The following UNKL variants were observed in gnomAD, a reference collection of about 807,000 sequenced individuals.
The protein encoded by UNKL is putative E3 ubiquitin-protein ligase UNKL.
In UNKL, 60 loss-of-function variants were observed where a neutral mutation model predicts 78.0. The observed-to-expected ratio is 0.77, with a 90% CI of 0.63 to 0.95. UNKL has a LOEUF of 0.95. Among genes scored for constraint, UNKL ranks in the 40% least tolerant of loss-of-function variants. The pLI, the probability that UNKL is intolerant of heterozygous loss-of-function variation, is 0.00. For synonymous variants in UNKL, 608 were observed against 474.8 expected (o/e 1.28, Z -3.65); for missense variants, 1,159 against 1,045.7 (o/e 1.11, Z -1.49).
chr16:1,368,608 C>CAAAAAAAAAAA (rs757374554), intron 12 of UNKL, among the ~76,000 whole-genome samples: 1 of 42,144 alleles, frequency 2.4e-5, no homozygotes, highest in African/African-American at 9.2e-5. Flanking sequence ...GACTCCGTCT[C>CAAAAAAAAAAA]AAAAAAAAAA....
rs775830454 is a variant in UNKL, at chr16:1,403,332, C to G, written c.300G>C (p.Leu100=). 5.0e-6 allele frequency: 8 copies of G among 1,614,076 alleles called. No homozygotes were observed. The East Asian group carries it at 1.1e-4, about 22-fold the overall frequency. ...GTTCTGTGTCCCCCGTCGTCCGGTG[C>G]AGGTAGGGACACCTGGGGAGCAGAG... ...VCPDGDECPY[L]HRTTGDTERK... is the part of the protein sequence containing the mutation. Residue 100 remains leucine, a synonymous_variant, in exon 3 of 15, where the codon CTG becomes CTC. Coordinates refer to ENST00000389221, the MANE Select transcript of UNKL (RefSeq NM_001372107.1). The surrounding 1 kb of genome is among the most constrained non-coding windows in gnomAD (Gnocchi z 4.8).
At chr16:1,410,746 G>C (rs779740353) in intron 2 of UNKL, among the ~76,000 whole-genome samples, 4 of 152,190 alleles carry the variant, frequency 2.6e-5, no homozygotes, top group African/African-American at 7.2e-5. Context: ...TAAGGGGCTT[G>C]ACCAAGGGAA....
intron 5 of UNKL, chr16:1,398,679 G>GC: frequency 1.3e-5 from 17 of 1,356,210 alleles, no homozygotes; most frequent in Non-Finnish European, 1.6e-5. Flanking sequence ...TGTGGGGTCT[G>GC]CACCCCCCCA....
chr16:1,370,474 G>A, intron 11 of UNKL, 117 bp from the exon 12 acceptor site: 1 of 1,438,468 alleles, frequency 7.0e-7, no homozygotes, highest in Non-Finnish European at 9.2e-7. Flanking sequence ...GGGATATGGG[G>A]GGTGGGAATA....
At chr16:1,395,303 G>A (rs1342638709) in intron 6 of UNKL, among the ~76,000 whole-genome samples, 1 of 151,350 alleles carries the variant, frequency 6.6e-6, no homozygotes, top group Non-Finnish European at 1.5e-5. Context: ...GAGTAGCTGT[G>A]ACTACAGCCA....
In UNKL at chr16:1,385,362, C is replaced by A. The variant is rs752481903; in HGVS notation, c.1110G>T (p.Ala370=). 54 of 1,410,336 alleles carry A rather than the reference C, an allele frequency of 3.8e-5. No homozygotes were observed. The Middle Eastern group carries it at 1.5e-3, about 38-fold the overall frequency. 87.4% of individuals were successfully genotyped at this position (1,410,336 alleles called of 1,614,324 possible). A position where few individuals can be genotyped will look rare whatever the true frequency, so the allele number is the denominator to read the frequency against. The part of the protein sequence containing the change: ...SKQNHLAVFA[A]VHPPAPSVSS... ...TCACGCTGGGGGCCGGCGGGTGGAC[C>A]GCTGCAAACACGGCCAGGTGGTTCT... The change falls in exon 10 of 15, where the codon GCG becomes GCT. Residue 370 remains alanine (A), a synonymous_variant. Coordinates refer to ENST00000389221, the MANE Select transcript of UNKL (RefSeq NM_001372107.1).
rs764906248 is a variant in UNKL at position 1,399,322 on chromosome 16, G to A, written c.734+52C>T. 5.7e-5 allele frequency: 85 copies of A among 1,501,668 alleles called. No individual in the cohort carries two copies. Among genetic ancestry groups the A allele is most frequent in the Non-Finnish European group, 6.8e-5 (77 of 1,126,778 alleles). 93.0% of individuals were successfully genotyped at this position (1,501,668 alleles called of 1,614,324 possible). ...GGGTGGGCAACGCGAGCCACGGGCC[G>A]GGAAGGACGCCCACCAGCCGGAGTC... On this transcript the variant is annotated intron_variant, in intron 5 of 14. Coordinates refer to ENST00000389221, the MANE Select transcript of UNKL (RefSeq NM_001372107.1). The surrounding 1 kb of genome is among the most constrained non-coding windows in gnomAD (Gnocchi z 5.8).
At chr16:1,391,257 C>CACAA (rs1453458786) in intron 8 of UNKL, among the ~76,000 whole-genome samples, 1 of 148,586 alleles carries the variant, frequency 6.7e-6, no homozygotes, top group African/African-American at 2.5e-5. Flanking sequence ...CACACACACA[C>CACAA]ACACACACAC....
intron 6 of UNKL, chr16:1,395,578 C>G: frequency 2.4e-6 from 1 of 422,252 alleles, no homozygotes; most frequent in Non-Finnish European, 4.9e-6. Context: ...AGGCACAGGC[C>G]TGGCTCCATC....
Position 1,399,278 on chromosome 16 carries a change from C to T in UNKL, c.734+96G>A. The T allele has an allele frequency of 7.0e-7, 1 of 1,429,168 alleles. No individual in the cohort carries two copies. The highest frequency in any genetic ancestry group is 9.2e-7 in the Non-Finnish European group (1 of 1,092,314). The allele number at this position is 1,429,168 out of a possible 1,614,324, so 88.5% of individuals were successfully genotyped here. ...GGGGATGATGGTGCCACAAGGGCAGCCCTCCCATTAGAACCCCGGGGTGGG... is the reference window on the plus strand; with the variant it reads ...GGGGATGATGGTGCCACAAGGGCAGTCCTCCCATTAGAACCCCGGGGTGGG... On this transcript the variant is annotated intron_variant, in intron 5 of 14. Coordinates refer to ENST00000389221, the MANE Select transcript of UNKL (RefSeq NM_001372107.1). This position sits in a 1 kb window ranked among gnomAD's most constrained non-coding sequence, Gnocchi z 5.8.
rs372277313 is a variant in UNKL at position 1,390,545 on chromosome 16, C to T, written c.1086+87G>A. On this transcript the variant is annotated intron_variant, in intron 9 of 14. Transcript: ENST00000389221. Reference sequence around the variant, plus strand: ...AGGATGCATGAGCGCTGCCCTAACGCGATGCCACGGGTCAGGCACGAGGGC... The same window carrying T: ...AGGATGCATGAGCGCTGCCCTAACGTGATGCCACGGGTCAGGCACGAGGGC... 6.7e-5 allele frequency: 96 copies of T among 1,427,820 alleles called. No individual in the cohort carries two copies. In the African/African-American group the frequency reaches 1.1e-3, roughly 17 times the overall value. 88.4% of individuals were successfully genotyped at this position (1,427,820 alleles called of 1,614,324 possible). A position where few individuals can be genotyped will look rare whatever the true frequency, so the allele number is the denominator to read the frequency against.
chr16:1,393,560 A>G (rs2037137719), intron 7 of UNKL, among the ~76,000 whole-genome samples: 1 of 152,144 alleles, frequency 6.6e-6, no homozygotes, highest in South Asian at 2.1e-4. Flanking sequence ...TGCTGCTGGG[A>G]ACTTATTAGG....
rs1297482082 is a variant in UNKL at position 1,387,261 on chromosome 16, C to T, written c.1087-1876G>A. Reference sequence around the variant, plus strand: ...AGCCATGCATGGTGCTGCCAATACCCCCTATCAATCCCCCATGGTGAGCCT... The same window carrying T: ...AGCCATGCATGGTGCTGCCAATACCTCCTATCAATCCCCCATGGTGAGCCT... On this transcript the variant is annotated intron_variant, in intron 9 of 14. Coordinates refer to ENST00000389221, the MANE Select transcript of UNKL (RefSeq NM_001372107.1). The surrounding 1 kb of genome is among the most constrained non-coding windows in gnomAD (Gnocchi z 4.1). Among the ~76,000 whole-genome samples, 1 of 152,208 alleles carries T rather than the reference C, an allele frequency of 6.6e-6. No homozygotes were observed. Among genetic ancestry groups the T allele is most frequent in the East Asian group, 1.9e-4 (1 of 5,196 alleles).
At position 1,399,161 on chromosome 16, in the gene UNKL, A is replaced by T. The variant is rs2037403735; in HGVS notation, c.734+213T>A. On this transcript the variant is annotated intron_variant, in intron 5 of 14. Coordinates refer to ENST00000389221, the MANE Select transcript of UNKL (RefSeq NM_001372107.1). The surrounding 1 kb of genome is among the most constrained non-coding windows in gnomAD (Gnocchi z 5.8). The stretch of plus-strand genomic sequence containing the variant: ...GTAGGGGACTGCATGGGAGACACTG[A>T]GCGTAGGTGGGGAGGCCCATCCCCA... The T allele has an allele frequency of 9.0e-7, 1 of 1,105,338 alleles. No individual in the cohort carries two copies. 68.5% of individuals were successfully genotyped at this position (1,105,338 alleles called of 1,614,324 possible).
intron 11 of UNKL, among the ~76,000 whole-genome samples, chr16:1,371,232 T>C (rs891873556): frequency 1.3e-5 from 2 of 152,072 alleles, no homozygotes; most frequent in African/African-American, 2.4e-5. Context: ...AAAGGTCAAC[T>C]GAAGAAGTGG....
rs779058744 is a variant in UNKL at position 1,414,642 on chromosome 16, G to C, written c.50C>G (p.Pro17Arg). ...AAAAALSGSP[P>R]QTEKPTHYRY... ...GTAGTGGGTCGGCTTCTCAGTCTGC[G>C]GGGGGGACCCGCTCAGCGCCGCTGC... The change falls in exon 1 of 15, where the codon CCG (proline) becomes CGG (arginine). Residue 17 changes from proline to arginine, a missense_variant. Coordinates refer to ENST00000389221, the MANE Select transcript of UNKL (RefSeq NM_001372107.1). The C allele has an allele frequency of 1.1e-4, 121 of 1,122,470 alleles. No homozygotes were observed. Among genetic ancestry groups the C allele is most frequent in the Non-Finnish European group, 1.2e-4 (110 of 906,470 alleles). The allele number at this position is 1,122,470 out of a possible 1,614,324, so 69.5% of individuals were successfully genotyped here. A position where few individuals can be genotyped will look rare whatever the true frequency, so the allele number is the denominator to read the frequency against.
chr16:1,413,733 T>A (rs1020507746), intron 2 of UNKL, 113 bp downstream of exon 2: 1 of 1,211,170 alleles, frequency 8.3e-7, no homozygotes, highest in Non-Finnish European at 1.1e-6. Flanking sequence ...TACGACTCCC[T>A]CTGCAGGGGC....
intron 10 of UNKL, among the ~76,000 whole-genome samples, chr16:1,384,994 G>T (rs1171385246): frequency 1.3e-5 from 2 of 152,174 alleles, no homozygotes; most frequent in African/African-American, 4.8e-5. Context: ...AGCGCCTGCG[G>T]CACCCAGGCC....
chr16:1,384,223 G>A (rs934845431), intron 10 of UNKL, among the ~76,000 whole-genome samples: 20 of 147,184 alleles, frequency 1.4e-4, no homozygotes, highest in African/African-American at 3.2e-4. Flanking sequence ...ACCCCAACAC[G>A]GTGGGTGTCC....
Sources: allele counts gnomAD v4.1 joint callset (sites outside exome capture counted in the v4.1 genomes callset), GRCh38; gene constraint gnomAD v4.1.1; non-coding constraint Gnocchi (gnomAD v3.1); transcripts MANE v1.5; gene names NCBI Gene and HGNC (gene_info 2026-07-23, HGNC 2026-07-21).